Variants in JAKMIP1 observed in about 807,000 individuals in gnomAD.
JAKMIP1 encodes the protein janus kinase and microtubule interacting protein 1.
In JAKMIP1, 33 loss-of-function variants were observed where a neutral mutation model predicts 113.0. The observed-to-expected ratio is 0.29, with a 90% CI of 0.22 to 0.39. The LOEUF (loss-of-function observed/expected upper bound fraction) is 0.39, where lower values mean the gene tolerates loss of function less well. Among genes scored for constraint, JAKMIP1 ranks in the 10% least tolerant of loss-of-function variants. The probability of loss-of-function intolerance (pLI) is 1.00; values close to 1 mark genes in which losing one functional copy is unlikely to be tolerated. For missense variants in JAKMIP1, 813 were observed against 1,080.5 expected (o/e 0.75, Z 3.47); for synonymous variants, 480 against 459.9 (o/e 1.04, Z -0.56).
chr4:6,062,502 T>C (rs1717448266), intron 9 of JAKMIP1, 62 bp from the exon 10 acceptor site: 23 of 1,532,256 alleles, frequency 1.5e-5, no homozygotes, highest in Non-Finnish European at 1.7e-5. Flanking sequence ...AAATGATTTA[T>C]GATTGATTTT....
rs368525864 is a variant in JAKMIP1 at position 6,050,531 on chromosome 4, C to T, written c.1908+47G>A. 3.9e-5 allele frequency: 53 copies of T among 1,358,690 alleles called. No individual in the cohort carries two copies. In the African/African-American group the frequency reaches 4.8e-4, roughly 12 times the overall value. The allele number at this position is 1,358,690 out of a possible 1,614,324, so 84.2% of individuals were successfully genotyped here. A position where few individuals can be genotyped will look rare whatever the true frequency, so the allele number is the denominator to read the frequency against. On this transcript the variant is annotated intron_variant, in intron 14 of 20. Transcript: ENST00000409021. This position sits in a 1 kb window ranked among gnomAD's most constrained non-coding sequence, Gnocchi z 7.4. The stretch of plus-strand genomic sequence containing the variant: ...CTTTGCAGCTGAGCCGGGCACTGAG[C>T]GAGCCCTTGGCTGGCATTCAGCAGA...
At position 6,051,978 on chromosome 4, in the gene JAKMIP1, G is replaced by GA. The variant is rs1213151003; in HGVS notation, c.1807-1300dup. On this transcript the variant is annotated intron_variant, in intron 13 of 20. Transcript: ENST00000409021. This position sits in a 1 kb window ranked among gnomAD's most constrained non-coding sequence, Gnocchi z 5.0. ...TAACATGCTTTGGGCCATTCTAGCA[G>GA]AATCTAGCTACAGAACCAATGGGCT... Among the ~76,000 whole-genome samples the GA allele has an allele frequency of 6.6e-6, 1 of 152,128 alleles. No homozygotes were observed. Among genetic ancestry groups the GA allele is most frequent in the Non-Finnish European group, 1.5e-5 (1 of 68,028 alleles).
intron 1 of JAKMIP1, among the ~76,000 whole-genome samples, chr4:6,182,200 C>T (rs1313265896): frequency 6.6e-6 from 1 of 151,788 alleles, no homozygotes; most frequent in African/African-American, 2.4e-5. Flanking sequence ...ATTGCTTGAG[C>T]TCAGTTCAAG....
Position 6,153,687 on chromosome 4 carries a change from CACT to C in JAKMIP1, c.-147-40693_-147-40691del, listed in dbSNP as rs747311191. ...TTATGTGCTTAGTACTTTTCTTTAA[CACT>C]ACTGACTTTTGAAAAACCTGTACAC... On this transcript the variant is annotated intron_variant, in intron 1 of 20. Transcript: ENST00000409021. This position sits in a 1 kb window ranked among gnomAD's most constrained non-coding sequence, Gnocchi z 4.9. Among the ~76,000 whole-genome samples the C allele has an allele frequency of 5.3e-5, 8 of 152,318 alleles. No homozygotes were observed. The highest frequency in any genetic ancestry group is 7.3e-5 in the Non-Finnish European group (5 of 68,030).
In JAKMIP1 at chr4:6,067,477, C is replaced by T. The variant is rs754184173; in HGVS notation, c.1303-2469G>A. ...AAATCTCCCCTCTGGATGAGAACCC[C>T]ACCCGACTTCAGGCATCATGGACTC... On this transcript the variant is annotated intron_variant, in intron 8 of 20. Coordinates refer to ENST00000409021, the MANE Select transcript of JAKMIP1 (RefSeq NM_001099433.2). The surrounding 1 kb of genome is among the most constrained non-coding windows in gnomAD (Gnocchi z 4.6). 1.2e-4 allele frequency among the ~76,000 whole-genome samples: 19 copies of T among 152,178 alleles called. No homozygotes were observed. The highest frequency in any genetic ancestry group is 2.8e-4 in the Non-Finnish European group (19 of 68,038).
chr4:6,192,972 C>G lies in JAKMIP1; in HGVS notation c.-148+7281G>C, dbSNP rs1727444158. Among the ~76,000 whole-genome samples the G allele has an allele frequency of 6.6e-6, 1 of 152,092 alleles. No individual in the cohort carries two copies. The highest frequency in any genetic ancestry group is 1.5e-5 in the Non-Finnish European group (1 of 68,014). Reference sequence around the variant, plus strand: ...CTGGGTGTGTCTGTGAGGGTGTTCCCAAAAGAGATTAACAATTGAGTCAGT... The same window carrying G: ...CTGGGTGTGTCTGTGAGGGTGTTCCGAAAAGAGATTAACAATTGAGTCAGT... On this transcript the variant is annotated intron_variant, in intron 1 of 20. Transcript: ENST00000409021. The surrounding 1 kb of genome is among the most constrained non-coding windows in gnomAD (Gnocchi z 5.0).
rs1714213726 is a variant in JAKMIP1 at position 6,040,849 on chromosome 4, TC to T, written c.2098-134del. On this transcript the variant is annotated intron_variant, in intron 17 of 20. Transcript: ENST00000409021. The surrounding 1 kb of genome is among the most constrained non-coding windows in gnomAD (Gnocchi z 5.8). ...CAGATGAGAAGGGACTTGGTGGTCT[TC>T]CCCGTTTGCCCCCACATGAATCACC... is the stretch of plus-strand genomic sequence containing the variant. 50 of 705,970 alleles carry T rather than the reference TC, an allele frequency of 7.1e-5. No homozygotes were observed. In the South Asian group the frequency reaches 7.9e-4, roughly 11 times the overall value. 43.7% of individuals were successfully genotyped at this position (705,970 alleles called of 1,614,324 possible).
chr4:6,151,264 T>C (rs1721542778), intron 1 of JAKMIP1, among the ~76,000 whole-genome samples: 1 of 152,118 alleles, frequency 6.6e-6, no homozygotes, highest in South Asian at 2.1e-4. Flanking sequence ...CTGTAATTAT[T>C]CCCACTTTCC....
chr4:6,144,426 C>T (rs1443715941), intron 1 of JAKMIP1, among the ~76,000 whole-genome samples: 20 of 152,190 alleles, frequency 1.3e-4, no homozygotes, highest in Non-Finnish European at 5.9e-5. Context: ...ACAAAGATAT[C>T]ATATGAAAAC....
intron 1 of JAKMIP1, among the ~76,000 whole-genome samples, chr4:6,166,023 C>A (rs777257473): frequency 6.6e-6 from 1 of 152,166 alleles, no homozygotes; most frequent in African/African-American, 2.4e-5. Flanking sequence ...TCCACTTTCA[C>A]GTCACCTCCT....
intron 16 of JAKMIP1, among the ~76,000 whole-genome samples, chr4:6,046,098 C>T (rs985692194): frequency 6.6e-6 from 1 of 152,134 alleles, no homozygotes; most frequent in Non-Finnish European, 1.5e-5. Flanking sequence ...CCTGTTGGCC[C>T]ACGACTGTCC....
At chr4:6,173,908 T>G (rs943917754) in intron 1 of JAKMIP1, among the ~76,000 whole-genome samples, 9 of 152,098 alleles carry the variant, frequency 5.9e-5, no homozygotes, top group African/African-American at 1.9e-4. Flanking sequence ...AAACCTCATC[T>G]CTACTAAAAA....
At chr4:6,132,666 A>T (rs1431752530) in intron 1 of JAKMIP1, among the ~76,000 whole-genome samples, 1 of 150,268 alleles carries the variant, frequency 6.7e-6, no homozygotes, top group Non-Finnish European at 1.5e-5. Context: ...AAAAAAAGAA[A>T]GCAGAAAAGG....
Position 6,081,259 on chromosome 4 carries a change from G to A in JAKMIP1, c.1101+350C>T, listed in dbSNP as rs961655507. 2.0e-4 allele frequency among the ~76,000 whole-genome samples: 31 copies of A among 152,218 alleles called. No individual in the cohort carries two copies. Among genetic ancestry groups the A allele is most frequent in the Admixed American group, 1.5e-3 (23 of 15,278 alleles). On this transcript the variant is annotated intron_variant, in intron 6 of 20. Coordinates refer to ENST00000409021, the MANE Select transcript of JAKMIP1 (RefSeq NM_001099433.2). The surrounding 1 kb of genome is among the most constrained non-coding windows in gnomAD (Gnocchi z 4.6). ...CACTTGCTGGGTGTCCTCTGGGCCC[G>A]TTCCCTGTGAGGTCTTTACATGCTG...
At chr4:6,072,799 G>A (rs1284500072) in intron 8 of JAKMIP1, among the ~76,000 whole-genome samples, 1 of 152,100 alleles carries the variant, frequency 6.6e-6, no homozygotes, top group Non-Finnish European at 1.5e-5. Context: ...ACTTGCAAAT[G>A]AAAAATGCAT....
intron 3 of JAKMIP1, among the ~76,000 whole-genome samples, chr4:6,095,635 A>G (rs1711606175): frequency 6.6e-6 from 1 of 152,212 alleles, no homozygotes; most frequent in African/African-American, 2.4e-5. Context: ...CGCGGATGCA[A>G]TAGACCACTG....
At position 6,185,727 on chromosome 4, in the gene JAKMIP1, AGCT is replaced by A. The variant is rs1247236600; in HGVS notation, c.-148+14523_-148+14525del. ...TGGGGCCAGAGGACCTGTGGTTCTGAGCTGCTCCCAGGTGAGGCTGCTGCTGGC... is the reference window on the plus strand; with the variant it reads ...TGGGGCCAGAGGACCTGTGGTTCTGAGCTCCCAGGTGAGGCTGCTGCTGGC... On this transcript the variant is annotated intron_variant, in intron 1 of 20. Transcript: ENST00000409021. The surrounding 1 kb of genome is among the most constrained non-coding windows in gnomAD (Gnocchi z 5.3). Among the ~76,000 whole-genome samples, 2 of 152,126 alleles carry A rather than the reference AGCT, an allele frequency of 1.3e-5. No individual in the cohort carries two copies. Among genetic ancestry groups the A allele is most frequent in the Non-Finnish European group, 2.9e-5 (2 of 68,030 alleles).
At chr4:6,046,781 G>A (rs1560107129) in intron 16 of JAKMIP1, among the ~76,000 whole-genome samples, 1 of 152,198 alleles carries the variant, frequency 6.6e-6, no homozygotes, top group Non-Finnish European at 1.5e-5. Context: ...AACACCTGCT[G>A]TGGGTCGGGC....
At position 6,061,435 on chromosome 4, in the gene JAKMIP1, C is replaced by T. The variant is rs1717270012; in HGVS notation, c.1560+877G>A. Among the ~76,000 whole-genome samples the T allele has an allele frequency of 6.6e-6, 1 of 152,156 alleles. No homozygotes were observed. Among genetic ancestry groups the T allele is most frequent in the Admixed American group, 6.5e-5 (1 of 15,276 alleles). Reference sequence around the variant, plus strand: ...GCGTGGCCTCTCCTCTCTGCCTTTGCCATCAGATTTGCCAGGCAATGCCCC... The same window carrying T: ...GCGTGGCCTCTCCTCTCTGCCTTTGTCATCAGATTTGCCAGGCAATGCCCC... On this transcript the variant is annotated intron_variant, in intron 10 of 20. Coordinates refer to ENST00000409021, the MANE Select transcript of JAKMIP1 (RefSeq NM_001099433.2). This position sits in a 1 kb window ranked among gnomAD's most constrained non-coding sequence, Gnocchi z 5.3.
Sources: gnomAD v4.1 joint callset for allele counts (sites outside exome capture counted in the v4.1 genomes callset) on GRCh38, gnomAD v4.1.1 for gene constraint, Gnocchi (gnomAD v3.1) non-coding constraint, MANE v1.5 for transcripts, NCBI Gene and HGNC (gene_info 2026-07-23, HGNC 2026-07-21) for gene names.